Variants in SLX4IP observed in about 807,000 individuals in gnomAD.
SLX4IP encodes the protein SLX4 interacting protein, also known as protein SLX4IP.
SLX4IP carries 34 observed loss-of-function variants against 32.9 expected under a neutral mutation model. The ratio of observed to expected loss-of-function variants is 1.03; its 90% confidence interval spans 0.79 to 1.38. The LOEUF (loss-of-function observed/expected upper bound fraction) is 1.38, where lower values mean the gene tolerates loss of function less well. Among genes scored for constraint, SLX4IP ranks in the 40% most tolerant of loss-of-function variants. The pLI, the probability that SLX4IP is intolerant of heterozygous loss-of-function variation, is 0.00. For synonymous variants in SLX4IP, 172 were observed against 171.7 expected (o/e 1.00, Z -0.01); for missense variants, 444 against 479.0 (o/e 0.93, Z 0.68).
At chr20:10,440,575 C>G (rs2122315029) in intron 1 of SLX4IP, among the ~76,000 whole-genome samples, 1 of 152,130 alleles carries the variant, frequency 6.6e-6, no homozygotes, top group Non-Finnish European at 1.5e-5. Context: ...TGTTTTGTAA[C>G]CACTATCGAA....
intron 7 of SLX4IP, among the ~76,000 whole-genome samples, chr20:10,621,757 G>T (rs1197161855): frequency 6.6e-6 from 1 of 151,916 alleles, no homozygotes; most frequent in Non-Finnish European, 1.5e-5. Flanking sequence ...ATATAATTAC[G>T]ATAATCCTCA....
At chr20:10,452,664 CAAAA>C (rs71332999) in intron 1 of SLX4IP, among the ~76,000 whole-genome samples, 1 of 117,928 alleles carries the variant, frequency 8.5e-6, no homozygotes, top group African/African-American at 3.2e-5. Flanking sequence ...GAAACTGTCT[CAAAA>C]AAAAAAAAAA....
At chr20:10,465,476 G>A (rs994300621) in intron 2 of SLX4IP, among the ~76,000 whole-genome samples, 2 of 152,170 alleles carry the variant, frequency 1.3e-5, no homozygotes, top group Admixed American at 1.3e-4. Flanking sequence ...TTTATGTATA[G>A]AATATGTATA....
At chr20:10,446,834 T>C (rs2065206348) in intron 1 of SLX4IP, among the ~76,000 whole-genome samples, 1 of 152,262 alleles carries the variant, frequency 6.6e-6, no homozygotes, top group African/African-American at 2.4e-5. Flanking sequence ...TATTGAATTT[T>C]GAGACTATGT....
intron 1 of SLX4IP, among the ~76,000 whole-genome samples, chr20:10,455,082 A>T (rs544911635): frequency 6.6e-6 from 1 of 152,186 alleles, no homozygotes; most frequent in East Asian, 1.9e-4. Context: ...GCTTATTTTT[A>T]AATTATTTGT....
At chr20:10,483,731 G>A (rs145580507) in intron 2 of SLX4IP, among the ~76,000 whole-genome samples, 3 of 151,910 alleles carry the variant, frequency 2.0e-5, no homozygotes, top group African/African-American at 4.8e-5. Context: ...CAGGCCATGC[G>A]ACCCCAAAGT....
intron 6 of SLX4IP, among the ~76,000 whole-genome samples, chr20:10,610,659 T>C (rs1165959085): frequency 6.6e-6 from 1 of 152,240 alleles, no homozygotes; most frequent in Non-Finnish European, 1.5e-5. Context: ...TCAGAACAAA[T>C]GTCCATCATC....
intron 2 of SLX4IP, among the ~76,000 whole-genome samples, chr20:10,460,228 A>G (rs2065325040): frequency 1.3e-5 from 2 of 152,232 alleles, no homozygotes; most frequent in Non-Finnish European, 2.9e-5. Flanking sequence ...CAGTTTAAAG[A>G]TAATTTTTAA....
rs113407595 is a variant in SLX4IP, at chr20:10,483,518, T to C, written c.27+25287T>C. 4.0e-3 allele frequency among the ~76,000 whole-genome samples: 607 copies of C among 152,316 alleles called. 7 individuals are homozygous for C. The highest frequency in any genetic ancestry group is 0.014 in the African/African-American group (572 of 41,564). ...GATTATCAAGAAAGTTCTATAGTAT[T>C]GATTGGGTAATACATAAATGAAGAA... On this transcript the variant is annotated intron_variant, in intron 2 of 7. Coordinates refer to ENST00000334534, the MANE Select transcript of SLX4IP (RefSeq NM_001009608.3).
intron 2 of SLX4IP, among the ~76,000 whole-genome samples, chr20:10,518,464 T>C (rs1311241946): frequency 0.03 from 1,352 of 45,710 alleles, 81 homozygotes; most frequent in Middle Eastern, 0.056. Flanking sequence ...CCTTCCTTCC[T>C]TTCCTTTCTT....
intron 6 of SLX4IP, among the ~76,000 whole-genome samples, chr20:10,609,039 T>C (rs1264929226): frequency 6.6e-6 from 1 of 152,084 alleles, no homozygotes; most frequent in East Asian, 1.9e-4. Flanking sequence ...CAAAAACTTG[T>C]GACCTTCAGT....
At chr20:10,482,954 A>G (rs1280824640) in intron 2 of SLX4IP, among the ~76,000 whole-genome samples, 1 of 152,164 alleles carries the variant, frequency 6.6e-6, no homozygotes, top group Non-Finnish European at 1.5e-5. Context: ...GAATTTTCAG[A>G]ATGGTGATGA....
chr20:10,592,532 C>A (rs1468334273), intron 4 of SLX4IP, among the ~76,000 whole-genome samples: 1 of 150,608 alleles, frequency 6.6e-6, no homozygotes. Flanking sequence ...GGACAAGGTG[C>A]AACTTTCTGA....
At chr20:10,454,952 A>G (rs1009967835) in intron 1 of SLX4IP, among the ~76,000 whole-genome samples, 1 of 152,200 alleles carries the variant, frequency 6.6e-6, no homozygotes, top group African/African-American at 2.4e-5. Context: ...TAATGGGTAT[A>G]AAGTAATATC....
chr20:10,510,616 T>A (rs886169947), intron 2 of SLX4IP, among the ~76,000 whole-genome samples: 8 of 150,022 alleles, frequency 5.3e-5, no homozygotes, highest in Non-Finnish European at 1.0e-4. Context: ...ATTATTTTTT[T>A]TTTTTTTGAG....
At chr20:10,520,741 T>C (rs865787547) in intron 2 of SLX4IP, among the ~76,000 whole-genome samples, 2 of 152,232 alleles carry the variant, frequency 1.3e-5, no homozygotes, top group African/African-American at 4.8e-5. Context: ...GGTTATTCAG[T>C]TGTCCCAACA....
intron 4 of SLX4IP, among the ~76,000 whole-genome samples, chr20:10,575,335 C>T (rs2066512623): frequency 6.6e-6 from 1 of 152,108 alleles, no homozygotes; most frequent in African/African-American, 2.4e-5. Context: ...AACATAGTAC[C>T]TGGGGCACTG....
In SLX4IP at chr20:10,582,370, T is replaced by G. The variant is rs6032900; in HGVS notation, c.239-16305T>G. On this transcript the variant is annotated intron_variant, in intron 4 of 7. Coordinates refer to ENST00000334534, the MANE Select transcript of SLX4IP (RefSeq NM_001009608.3). ...ATTTCCATTTTGTTTGCGTTACATA[T>G]GTAAACTGTTTTTTTAAAACCTGCA... Among the ~76,000 whole-genome samples the G allele has an allele frequency of 3.6e-3, 547 of 152,364 alleles. 6 individuals are homozygous for G. The highest frequency in any genetic ancestry group is 0.013 in the African/African-American group (532 of 41,582).
rs1272875447 is a variant in SLX4IP, at chr20:10,622,913, A to C, written c.761A>C (p.Gln254Pro). 1.2e-6 allele frequency: 2 copies of C among 1,614,152 alleles called. No individual in the cohort carries two copies. The highest frequency in any genetic ancestry group is 3.3e-5 in the Admixed American group (2 of 60,026). ...NQTQPEDTSG[Q>P]QKPHPGERLK... ...ACCCAGCCAGAAGACACTAGTGGCCAGCAAAAACCTCATCCTGGGGAGCGG... is the reference window on the plus strand; with the variant it reads ...ACCCAGCCAGAAGACACTAGTGGCCCGCAAAAACCTCATCCTGGGGAGCGG... Residue 254 changes from glutamine to proline, a missense_variant, in exon 8 of 8, where the codon CAG becomes CCG. Physicochemically the swap from Gln to Pro is moderately conservative, Grantham distance 76. Transcript: ENST00000334534.
Sources: gnomAD v4.1 joint callset for allele counts (sites outside exome capture counted in the v4.1 genomes callset) on GRCh38, gnomAD v4.1.1 for gene constraint, MANE v1.5 for transcripts, NCBI Gene and HGNC (gene_info 2026-07-23, HGNC 2026-07-21) for gene names.